OTOP1: variants seen among roughly 807,000 people sequenced by gnomAD.
OTOP1 encodes otopetrin 1, also known as proton channel OTOP1.
In OTOP1, 59 loss-of-function variants were observed where a neutral mutation model predicts 52.9. That is an observed-to-expected ratio of 1.12 (90% CI 0.91 to 1.39). The LOEUF (loss-of-function observed/expected upper bound fraction) is 1.39. Among genes scored for constraint, OTOP1 ranks in the 40% most tolerant of loss-of-function variants. The pLI is 0.00. For missense variants in OTOP1, 761 were observed against 800.9 expected, an observed-to-expected ratio of 0.95 and a Z score of 0.60; for synonymous variants, 317 against 337.7, an observed-to-expected ratio of 0.94 and a Z score of 0.67.
rs372103038 is a variant in OTOP1 at position 4,212,557 on chromosome 4, T to C, written c.540+311A>G. 1.3e-3 allele frequency among the ~76,000 whole-genome samples: 202 copies of C among 152,324 alleles called. 3 individuals are homozygous for C. The South Asian group carries it at 0.039, about 30-fold the overall frequency. ...CACGTGAATTCTCTCAATAAACCTG[T>C]CACATACCCAGAAAATAAAATTCCC... On this transcript the variant is annotated intron_variant, in intron 2 of 5. Coordinates refer to ENST00000296358, the MANE Select transcript of OTOP1 (RefSeq NM_177998.3).
chr4:4,220,279 G>T lies in OTOP1; in HGVS notation c.403+6183C>A, dbSNP rs531795938. ...TAAAAAAACAGAACGGAAAATTTCAGAACTAGATAGATCAAGTAGACAAAA... is the reference window on the plus strand; with the variant it reads ...TAAAAAAACAGAACGGAAAATTTCATAACTAGATAGATCAAGTAGACAAAA... On this transcript the variant is annotated intron_variant, in intron 1 of 5. Coordinates refer to ENST00000296358, the MANE Select transcript of OTOP1 (RefSeq NM_177998.3). Among the ~76,000 whole-genome samples, 6 of 151,060 alleles carry T rather than the reference G, an allele frequency of 4.0e-5. No individual in the cohort carries two copies. The South Asian group carries it at 1.0e-3, about 26-fold the overall frequency.
chr4:4,201,237 G>C (rs1716779258), intron 4 of OTOP1, among the ~76,000 whole-genome samples: 1 of 151,988 alleles, frequency 6.6e-6, no homozygotes, highest in Non-Finnish European at 1.5e-5. Flanking sequence ...GACCAGCTTG[G>C]CCAACATAGT....
intron 1 of OTOP1, among the ~76,000 whole-genome samples, chr4:4,225,481 A>G (rs867789097): frequency 3.4e-5 from 5 of 146,778 alleles, no homozygotes; most frequent in African/African-American, 1.0e-4. Flanking sequence ...AAGTGGGAGG[A>G]TTGCTTGAGC....
chr4:4,213,084 T>C, intron 1 of OTOP1, 80 bp from the exon 2 acceptor site: 3 of 1,524,094 alleles, frequency 2.0e-6, no homozygotes, highest in Admixed American at 1.7e-5. Flanking sequence ...ATAAATTATA[T>C]TGTGTATTAA....
intron 1 of OTOP1, among the ~76,000 whole-genome samples, chr4:4,222,749 C>T (rs1282256046): frequency 6.6e-6 from 1 of 152,208 alleles, no homozygotes; most frequent in Non-Finnish European, 1.5e-5. Flanking sequence ...GTCACGAACA[C>T]CAGGGCAGAG....
At chr4:4,200,318 A>G (rs1024696738) in intron 4 of OTOP1, among the ~76,000 whole-genome samples, 2 of 151,914 alleles carry the variant, frequency 1.3e-5, no homozygotes, top group Admixed American at 1.3e-4. Context: ...TACTAAAAAT[A>G]CAAAAAATTA....
At chr4:4,194,224 G>A (rs1033217005) in intron 5 of OTOP1, among the ~76,000 whole-genome samples, 3 of 152,162 alleles carry the variant, frequency 2.0e-5, no homozygotes, top group African/African-American at 7.2e-5. Flanking sequence ...CACAGGATAT[G>A]TACAAAAAGC....
At chr4:4,226,355 A>G in intron 1 of OTOP1, 107 bp downstream of exon 1, 1 of 1,137,216 alleles carries the variant, frequency 8.8e-7, no homozygotes, top group South Asian at 2.0e-5. Context: ...ACCAAGGCAG[A>G]AAAGGCTGAA....
chr4:4,222,721 G>A (rs1173750254), intron 1 of OTOP1, among the ~76,000 whole-genome samples: 1 of 152,188 alleles, frequency 6.6e-6, no homozygotes, highest in Non-Finnish European at 1.5e-5. Context: ...CTTGCCCTCT[G>A]CCTATTGATC....
chr4:4,213,050 A>G, intron 1 of OTOP1, 46 bp from the exon 2 acceptor site: 2 of 1,592,258 alleles, frequency 1.3e-6, no homozygotes, highest in South Asian at 2.2e-5. Context: ...ACATTGCATT[A>G]ACATACATTG....
At chr4:4,221,748 T>A (rs990885996) in intron 1 of OTOP1, among the ~76,000 whole-genome samples, 1 of 152,154 alleles carries the variant, frequency 6.6e-6, no homozygotes, top group Non-Finnish European at 1.5e-5. Flanking sequence ...GAGCAGCAAA[T>A]GATTCATAAT....
chr4:4,197,403 G>A lies in OTOP1; in HGVS notation c.1431C>T (p.Ser477=), dbSNP rs1367135769. The A allele has an allele frequency of 4.3e-6, 7 of 1,614,020 alleles. No individual in the cohort carries two copies. Among genetic ancestry groups the A allele is most frequent in the Non-Finnish European group, 5.1e-6 (6 of 1,180,024 alleles). Residue 477 remains serine, a synonymous_variant, in exon 5 of 6, where the codon TCC becomes TCT. Transcript: ENST00000296358. ...CNGNTMPLAS[S]CPKSGGVARD... is the part of the protein sequence containing the mutation. ...TGGCCACACCTCCACTCTTGGGGCA[G>A]GAAGAAGCAAGGGGCATGGTGTTGC...
intron 5 of OTOP1, among the ~76,000 whole-genome samples, chr4:4,193,898 A>T (rs1175104121): frequency 1.5e-5 from 2 of 134,328 alleles, no homozygotes; most frequent in South Asian, 2.3e-4. Context: ...GTTTTAAAAA[A>T]TATATTAGGC....
At chr4:4,198,480 A>C (rs1413539229) in intron 4 of OTOP1, among the ~76,000 whole-genome samples, 3 of 152,236 alleles carry the variant, frequency 2.0e-5, no homozygotes, top group African/African-American at 4.8e-5. Flanking sequence ...CTCTGGGTGA[A>C]AAAATGACAG....
intron 5 of OTOP1, among the ~76,000 whole-genome samples, chr4:4,190,579 C>T (rs1410881498): frequency 1.3e-5 from 2 of 152,216 alleles, no homozygotes; most frequent in African/African-American, 4.8e-5. Context: ...TACAGTATAA[C>T]AACTATTTAC....
chr4:4,226,302 A>ATAAAG (rs1560213120), intron 1 of OTOP1, among the ~76,000 whole-genome samples, 160 bp downstream of exon 1: 1 of 151,450 alleles, frequency 6.6e-6, no homozygotes, highest in African/African-American at 2.4e-5. Context: ...GAGAGAGAGG[A>ATAAAG]AAGGAAGGGC....
At position 4,219,341 on chromosome 4, in the gene OTOP1, G is replaced by A. The variant is rs1034853036; in HGVS notation, c.404-6337C>T. On this transcript the variant is annotated intron_variant, in intron 1 of 5. Coordinates refer to ENST00000296358, the MANE Select transcript of OTOP1 (RefSeq NM_177998.3). ...AGAATGGCAATATTAATATCAGACC[G>A]TATGGGATTTAAAGTTAATGTAATA... is the stretch of plus-strand genomic sequence containing the variant. 1.6e-4 allele frequency among the ~76,000 whole-genome samples: 25 copies of A among 152,158 alleles called. 1 individual carries two copies. Among genetic ancestry groups the A allele is most frequent in the African/African-American group, 5.1e-4 (21 of 41,434 alleles).
At chr4:4,189,535 C>T (rs1716458262) in intron 5 of OTOP1, among the ~76,000 whole-genome samples, 1 of 152,190 alleles carries the variant, frequency 6.6e-6, no homozygotes, top group Non-Finnish European at 1.5e-5. Flanking sequence ...TAGGATGACC[C>T]TCACTGATCC....
At chr4:4,211,140 T>C (rs540457830) in intron 2 of OTOP1, among the ~76,000 whole-genome samples, 2,840 of 152,300 alleles carry the variant, frequency 0.019, 95 homozygotes, top group African/African-American at 0.064. Flanking sequence ...TGTTTGAGAA[T>C]GTGTTTGATC....
Sources: allele counts gnomAD v4.1 joint callset (sites outside exome capture counted in the v4.1 genomes callset), GRCh38; gene constraint gnomAD v4.1.1; transcripts MANE v1.5; gene names NCBI Gene and HGNC (gene_info 2026-07-23, HGNC 2026-07-21).